Variants in MAPK10 observed in about 807,000 individuals in gnomAD.
MAPK10 encodes JNK3 alpha protein kinase.
Under a neutral mutation model 59.3 loss-of-function variants are expected in MAPK10, and 25 were observed. The observed-to-expected ratio is 0.42, with a 90% CI of 0.31 to 0.59. MAPK10 has a LOEUF of 0.59. Ranked by LOEUF, MAPK10 falls within the 20% of genes least tolerant of loss-of-function variation. The pLI is 0.15. For synonymous variants in MAPK10, 190 were observed against 200.5 expected (o/e 0.95, Z 0.44); for missense variants, 351 against 568.9 (o/e 0.62, Z 3.90).
chr4:86,192,515 T>C (rs1462448217), intron 3 of MAPK10: 2 of 152,038 alleles, frequency 1.3e-5, no homozygotes, highest in African/African-American at 4.8e-5. Context: ...CTTTATTTCA[T>C]TAAGTTGATC....
upstream of MAPK10, among the ~76,000 whole-genome samples, chr4:86,363,086 C>T (rs895475068): frequency 6.6e-6 from 1 of 152,056 alleles, no homozygotes; most frequent in African/African-American, 2.4e-5. Context: ...TACAGTCAGC[C>T]CTCCATGTTC....
At chr4:86,351,962 T>C (rs976645977) in intron 2 of MAPK10, among the ~76,000 whole-genome samples, 2 of 152,204 alleles carry the variant, frequency 1.3e-5, no homozygotes, top group African/African-American at 4.8e-5. Context: ...ATGCTCTTCT[T>C]CATTAGTAAT....
At chr4:86,426,530 C>T (rs1001033615) in intron 1 of MAPK10, among the ~76,000 whole-genome samples, 2 of 152,130 alleles carry the variant, frequency 1.3e-5, no homozygotes. Flanking sequence ...CATTTAGATT[C>T]CGTCCTAAAA....
At chr4:86,075,934 T>G (rs2049260540) in intron 9 of MAPK10, among the ~76,000 whole-genome samples, 1 of 152,060 alleles carries the variant, frequency 6.6e-6, no homozygotes, top group Admixed American at 6.5e-5. Context: ...AGTTCGAGTT[T>G]CCAGGCTGCT....
At chr4:86,562,691 T>C (rs1343716254) in intron 1 of MAPK10, among the ~76,000 whole-genome samples, 3 of 151,782 alleles carry the variant, frequency 2.0e-5, no homozygotes, top group African/African-American at 4.8e-5. Context: ...CAAGACCCTG[T>C]CTCAAAAAAA....
intron 2 of MAPK10, among the ~76,000 whole-genome samples, chr4:86,209,206 A>C (rs1319449030): frequency 1.3e-5 from 2 of 152,168 alleles, no homozygotes; most frequent in African/African-American, 4.8e-5. Flanking sequence ...AGAAAATACA[A>C]GACTTGAAGT....
rs118136573 is a variant in MAPK10 at position 86,395,172 on chromosome 4, T to C, written c.-121-40528A>G. On this transcript the variant is annotated intron_variant, in intron 1 of 13. Transcript: ENST00000361569. ...ACTTGCATACAAAAGCAAAGGATGT[T>C]ACCTTTGTTTTATAATCATACCAAA... 8.5e-4 allele frequency among the ~76,000 whole-genome samples: 129 copies of C among 152,330 alleles called. No homozygotes were observed. The East Asian group carries it at 0.019, about 22-fold the overall frequency.
At chr4:86,423,064 C>G (rs1005348373) in intron 1 of MAPK10, among the ~76,000 whole-genome samples, 1 of 152,124 alleles carries the variant, frequency 6.6e-6, no homozygotes, top group Non-Finnish European at 1.5e-5. Flanking sequence ...CTAAAATGAG[C>G]ATGGTAGTTA....
chr4:86,373,627 T>C (rs1739274640), intron 1 of MAPK10, among the ~76,000 whole-genome samples: 1 of 152,186 alleles, frequency 6.6e-6, no homozygotes, highest in Non-Finnish European at 1.5e-5. Context: ...AAGAAGACAT[T>C]TATGCAGCCA....
intron 1 of MAPK10, among the ~76,000 whole-genome samples, chr4:86,548,104 C>G (rs1295294872): frequency 6.6e-6 from 1 of 152,160 alleles, no homozygotes; most frequent in Non-Finnish European, 1.5e-5. Flanking sequence ...CTGCTGCTCA[C>G]TGCTTGGGTC....
intron 1 of MAPK10, among the ~76,000 whole-genome samples, chr4:86,374,355 T>C (rs1277503713): frequency 6.6e-6 from 1 of 152,126 alleles, no homozygotes; most frequent in African/African-American, 2.4e-5. Flanking sequence ...TGTATACCTA[T>C]GTAACAAACC....
chr4:86,405,419 T>A (rs1003037151), intron 1 of MAPK10, among the ~76,000 whole-genome samples: 2 of 152,212 alleles, frequency 1.3e-5, no homozygotes, highest in Non-Finnish European at 2.9e-5. Flanking sequence ...ATCTCCAGTA[T>A]ATTCTCTAAA....
intron 2 of MAPK10, among the ~76,000 whole-genome samples, chr4:86,228,873 A>G (rs2091102146): frequency 6.6e-6 from 1 of 152,210 alleles, no homozygotes; most frequent in African/African-American, 2.4e-5. Flanking sequence ...ATGAGCAACA[A>G]TGACTATAAA....
intron 1 of MAPK10, among the ~76,000 whole-genome samples, chr4:86,557,498 G>A (rs1165532167): frequency 2.6e-5 from 4 of 151,992 alleles, no homozygotes; most frequent in Admixed American, 1.3e-4. Flanking sequence ...TGTCATCCAA[G>A]ATTTTGTCCA....
chr4:86,213,789 A>G (rs530779084), intron 2 of MAPK10, among the ~76,000 whole-genome samples: 62 of 152,138 alleles, frequency 4.1e-4, no homozygotes, highest in Non-Finnish European at 7.8e-4. Context: ...CCATTCTACC[A>G]TACAAAGAAG....
rs375976144 is a variant in MAPK10 at position 86,537,733 on chromosome 4, T to C, written c.-263+56177A>G. 2.6e-5 allele frequency among the ~76,000 whole-genome samples: 4 copies of C among 152,340 alleles called. No homozygotes were observed. The South Asian group carries it at 6.2e-4, about 24-fold the overall frequency. ...ACCTATTTTGCCAACCACTCCTTTC[T>C]AGGTTATATGTGTGGAAAATGTCAT... is the stretch of plus-strand genomic sequence containing the variant. On this transcript the variant is annotated intron_variant, in intron 1 of 4. Transcript: ENST00000502302.
At chr4:86,445,060 G>A (rs1444586256) in intron 1 of MAPK10, among the ~76,000 whole-genome samples, 2 of 152,092 alleles carry the variant, frequency 1.3e-5, no homozygotes, top group Non-Finnish European at 2.9e-5. Flanking sequence ...CCAGCAATCT[G>A]ATTTCTGGGT....
intron 2 of MAPK10, among the ~76,000 whole-genome samples, chr4:86,198,169 T>C (rs953399811): frequency 2.6e-5 from 4 of 152,110 alleles, no homozygotes; most frequent in African/African-American, 4.8e-5. Context: ...TAAGGATGAT[T>C]ATATAGCAGA....
intron 13 of MAPK10, chr4:86,027,341 AGCCTAAGTT>A (rs1750853352): frequency 6.6e-6 from 1 of 152,208 alleles, no homozygotes; most frequent in Non-Finnish European, 1.5e-5. Flanking sequence ...ACTCAGGTAG[AGCCTAAGTT>A]GCATATTTTA....
Sources: gnomAD v4.1 joint callset for allele counts (sites outside exome capture counted in the v4.1 genomes callset) on GRCh38, gnomAD v4.1.1 for gene constraint, MANE v1.5 for transcripts, NCBI Gene and HGNC (gene_info 2026-07-23, HGNC 2026-07-21) for gene names.